The following CNNM2 variants were observed in gnomAD, a reference collection of about 807,000 sequenced individuals.
The protein encoded by CNNM2 is metal transporter CNNM2.
A neutral mutation model predicts 66.9 loss-of-function variants in CNNM2; 12 were observed. That is an observed-to-expected ratio of 0.18 (90% CI 0.11 to 0.29). The LOEUF (loss-of-function observed/expected upper bound fraction) is 0.29, where lower values mean the gene tolerates loss of function less well. CNNM2 is among the 10% of genes least tolerant of loss of function. The probability of loss-of-function intolerance (pLI) is 1.00; values close to 1 mark genes in which losing one functional copy is unlikely to be tolerated. For synonymous variants in CNNM2, 557 were observed against 501.8 expected (o/e 1.11, Z -1.47); for missense variants, 705 against 1,167.7 (o/e 0.60, Z 5.77).
chr10:102,958,459 GTTTTTTTTTTTTTTTTTTT>G (rs33992570), intron 1 of CNNM2, among the ~76,000 whole-genome samples: 4 of 51,702 alleles, frequency 7.7e-5, no homozygotes, highest in African/African-American at 1.5e-4. Flanking sequence ...CAAGCAACTT[GTTTTTTTTTTTTTTTTTTT>G]TTTTTTTTTT....
At chr10:103,032,062 G>T (rs929170708) in intron 1 of CNNM2, among the ~76,000 whole-genome samples, 16 of 152,344 alleles carry the variant, frequency 1.1e-4, no homozygotes, top group Non-Finnish European at 1.8e-4. Context: ...GGCCTAGGGG[G>T]TTGGAAGTGG....
At chr10:103,047,830 A>T (rs1161357527) in intron 1 of CNNM2, among the ~76,000 whole-genome samples, 1 of 152,218 alleles carries the variant, frequency 6.6e-6, no homozygotes, top group East Asian at 1.9e-4. Flanking sequence ...TCGTTTGTTA[A>T]TATCACCAGC....
chr10:102,958,532 G>T (rs1847137809), intron 1 of CNNM2, among the ~76,000 whole-genome samples: 1 of 124,814 alleles, frequency 8.0e-6, no homozygotes, highest in Non-Finnish European at 1.6e-5. Flanking sequence ...GTGCAGTGGC[G>T]TGATCTTGGC....
At chr10:102,999,368 C>T (rs1447786777) in intron 1 of CNNM2, among the ~76,000 whole-genome samples, 1 of 151,830 alleles carries the variant, frequency 6.6e-6, no homozygotes, top group Admixed American at 6.6e-5. Context: ...AGGCGTGAGC[C>T]ACTGCACCCG....
At chr10:102,947,488 C>T (rs1050247759) in intron 1 of CNNM2, among the ~76,000 whole-genome samples, 1 of 152,190 alleles carries the variant, frequency 6.6e-6, no homozygotes, top group Non-Finnish European at 1.5e-5. Flanking sequence ...CACAGTGGCT[C>T]GCGCCTGTAA....
intron 1 of CNNM2, among the ~76,000 whole-genome samples, chr10:103,012,304 G>GA (rs2064358251): frequency 6.6e-6 from 1 of 152,304 alleles, no homozygotes; most frequent in East Asian, 1.9e-4. Flanking sequence ...ACCAATGTAG[G>GA]AGAGATTTTA....
intron 1 of CNNM2, among the ~76,000 whole-genome samples, chr10:102,999,839 T>G (rs531423310): frequency 2.6e-5 from 4 of 152,348 alleles, no homozygotes; most frequent in African/African-American, 7.2e-5. Context: ...AATAAGATGT[T>G]ACCTCAGACC....
At chr10:102,979,074 T>G (rs1480402928) in intron 1 of CNNM2, among the ~76,000 whole-genome samples, 1 of 152,244 alleles carries the variant, frequency 6.6e-6, no homozygotes, top group Non-Finnish European at 1.5e-5. Flanking sequence ...TTTTGAATCA[T>G]GCTGCTTGGA....
At chr10:103,037,093 A>G (rs1029212586) in intron 1 of CNNM2, among the ~76,000 whole-genome samples, 2 of 152,132 alleles carry the variant, frequency 1.3e-5, no homozygotes, top group Non-Finnish European at 2.9e-5. Context: ...ATGTGAATAT[A>G]CAATTGTTTC....
chr10:103,078,051 G>A lies in CNNM2; in HGVS notation c.*871G>A, dbSNP rs995201324. The A allele has an allele frequency of 2.0e-5, 3 of 152,572 alleles. No homozygotes were observed. The highest frequency in any genetic ancestry group is 6.5e-5 in the Admixed American group (1 of 15,268). The allele number at this position is 152,572 out of a possible 1,614,324, so 9.5% of individuals were successfully genotyped here. On this transcript the variant is annotated 3_prime_UTR_variant, in exon 8 of 8. Coordinates refer to ENST00000369878, the MANE Select transcript of CNNM2 (RefSeq NM_017649.5). ...CCGACCCAGCGCCTAAGCTCACAGA[G>A]TGTCGTCGCCCACCTCCCTGGTCCT...
chr10:102,997,983 G>A (rs1177696466), intron 1 of CNNM2, among the ~76,000 whole-genome samples: 8 of 151,902 alleles, frequency 5.3e-5, no homozygotes, highest in African/African-American at 1.9e-4. Flanking sequence ...CACTGAACTA[G>A]ATACACACCA....
chr10:103,011,650 G>GTGTC (rs2064344785), intron 1 of CNNM2, among the ~76,000 whole-genome samples: 1 of 139,530 alleles, frequency 7.2e-6, no homozygotes, highest in Admixed American at 7.2e-5. Flanking sequence ...CTTGCACTGT[G>GTGTC]TGTGTGTGTG....
chr10:102,971,277 C>T (rs959601705), intron 1 of CNNM2, among the ~76,000 whole-genome samples: 3 of 146,026 alleles, frequency 2.1e-5, no homozygotes, highest in Non-Finnish European at 4.5e-5. Flanking sequence ...AAAAAAAAGT[C>T]TCTGGGACCT....
At chr10:103,072,552 G>A (rs1047343813) in intron 6 of CNNM2, among the ~76,000 whole-genome samples, 1 of 152,070 alleles carries the variant, frequency 6.6e-6, no homozygotes, top group Non-Finnish European at 1.5e-5. Context: ...CCTGCCACCT[G>A]ACTTTGTTTT....
intron 1 of CNNM2, 55 bp from the exon 2 acceptor site, chr10:103,049,652 A>G (rs2065184585): frequency 6.5e-7 from 1 of 1,541,386 alleles, no homozygotes; most frequent in Non-Finnish European, 8.9e-7. Context: ...CACATATAAC[A>G]TGTCATTCAG....
At chr10:102,992,724 C>T (rs761323861) in intron 1 of CNNM2, among the ~76,000 whole-genome samples, 5 of 152,114 alleles carry the variant, frequency 3.3e-5, no homozygotes, top group African/African-American at 4.8e-5. Context: ...AAGCCTGCCT[C>T]GGTACCACAG....
chr10:102,939,101 C>A (rs74337355), intron 1 of CNNM2, among the ~76,000 whole-genome samples: 1 of 152,166 alleles, frequency 6.6e-6, no homozygotes, highest in Non-Finnish European at 1.5e-5. Flanking sequence ...GTAGCAAATT[C>A]GAAGATTTGT....
chr10:103,075,810 C>A (rs1487945129), intron 6 of CNNM2, among the ~76,000 whole-genome samples: 1 of 152,198 alleles, frequency 6.6e-6, no homozygotes, highest in Non-Finnish European at 1.5e-5. Flanking sequence ...CTCACGAAGG[C>A]ACACAGTGCA....
chr10:102,969,310 T>G (rs2063514353), intron 1 of CNNM2, among the ~76,000 whole-genome samples: 1 of 151,720 alleles, frequency 6.6e-6, no homozygotes, highest in African/African-American at 2.4e-5. Flanking sequence ...GCCTCTGGGG[T>G]TCAAACGATT....
Sources: gnomAD v4.1 joint callset for allele counts (sites outside exome capture counted in the v4.1 genomes callset) on GRCh38, gnomAD v4.1.1 for gene constraint, MANE v1.5 for transcripts, NCBI Gene and HGNC (gene_info 2026-07-23, HGNC 2026-07-21) for gene names.